Variants in AOPEP observed in about 807,000 individuals in gnomAD.
AOPEP encodes the protein aminopeptidase O (putative), also known as aminopeptidase O.
AOPEP carries 77 observed loss-of-function variants against 98.1 expected under a neutral mutation model. That is an observed-to-expected ratio of 0.78 (90% CI 0.65 to 0.95). The LOEUF is 0.95. AOPEP is among the 40% of genes least tolerant of loss of function. The pLI is 0.00. For missense variants in AOPEP, 1,024 were observed against 1,024.7 expected (o/e 1.00, Z 0.01); for synonymous variants, 346 against 365.3 (o/e 0.95, Z 0.60).
At position 94,757,489 on chromosome 9, in the gene AOPEP, G is replaced by A. The variant is rs139458051; in HGVS notation, c.-135-2160G>A. 2.8e-3 allele frequency among the ~76,000 whole-genome samples: 424 copies of A among 152,352 alleles called. 6 individuals are homozygous for A. Among genetic ancestry groups the A allele is most frequent in the African/African-American group, 9.6e-3 (399 of 41,588 alleles). ...TTCATAACAGTGGTTCTGCTAACAG[G>A]CTTGAGTGGATAGGGCTCTAGGGCA... On this transcript the variant is annotated intron_variant, in intron 1 of 16. Transcript: ENST00000375315.
chr9:95,079,842 C>T (rs1303879332), intron 14 of AOPEP, among the ~76,000 whole-genome samples: 1 of 152,248 alleles, frequency 6.6e-6, no homozygotes, highest in African/African-American at 2.4e-5. Context: ...AACCTACACA[C>T]CTGTGGATAC....
chr9:95,081,411 C>T (rs1394053004), intron 15 of AOPEP, among the ~76,000 whole-genome samples: 2 of 152,210 alleles, frequency 1.3e-5, no homozygotes, highest in African/African-American at 4.8e-5. Context: ...CCCCACTCTC[C>T]ACCCCCTCTG....
chr9:94,958,006 C>T (rs79533567), intron 9 of AOPEP, among the ~76,000 whole-genome samples: 1 of 152,058 alleles, frequency 6.6e-6, no homozygotes, highest in Non-Finnish European at 1.5e-5. Context: ...TTACCACCAT[C>T]CATCTCCCAT....
intron 7 of AOPEP, among the ~76,000 whole-genome samples, chr9:94,945,023 A>G (rs2057462331): frequency 6.6e-6 from 1 of 152,152 alleles, no homozygotes; most frequent in African/African-American, 2.4e-5. Flanking sequence ...ACATGGAAAA[A>G]GAAATTAGGG....
chr9:95,095,292 T>C, the AOPEP span, among the ~76,000 whole-genome samples: 1 of 152,204 alleles, frequency 6.6e-6, no homozygotes, highest in Non-Finnish European at 1.5e-5. Context: ...TTCCGCACTC[T>C]GTCATCAGCA....
chr9:94,793,020 T>A (rs1846077460), intron 4 of AOPEP, 102 bp downstream of exon 4: 1 of 1,328,274 alleles, frequency 7.5e-7, no homozygotes. Context: ...TCATTCCTGC[T>A]GAGAAACTAA....
intron 13 of AOPEP, among the ~76,000 whole-genome samples, chr9:95,016,054 A>G (rs1234856715): frequency 6.6e-6 from 1 of 151,950 alleles, no homozygotes; most frequent in African/African-American, 2.4e-5. Context: ...AAAGTGCCAC[A>G]GCAAGTTTAG....
chr9:95,110,056 G>T, the AOPEP span, among the ~76,000 whole-genome samples: 1 of 152,282 alleles, frequency 6.6e-6, no homozygotes, highest in South Asian at 2.1e-4. Context: ...TGACAGAATG[G>T]GGGGAAGGGA....
chr9:94,993,733 T>C (rs1427068165), intron 11 of AOPEP, among the ~76,000 whole-genome samples: 1 of 152,208 alleles, frequency 6.6e-6, no homozygotes, highest in Non-Finnish European at 1.5e-5. Flanking sequence ...CTGGTTGTTA[T>C]TAGCCTTGAC....
intron 4 of AOPEP, among the ~76,000 whole-genome samples, chr9:94,798,222 G>A (rs549477766): frequency 2.0e-5 from 3 of 152,264 alleles, no homozygotes; most frequent in African/African-American, 7.2e-5. Flanking sequence ...TTCTATGGGA[G>A]CCTTACCCTT....
chr9:95,054,862 C>T (rs1421282459), intron 13 of AOPEP, among the ~76,000 whole-genome samples: 2 of 152,130 alleles, frequency 1.3e-5, no homozygotes, highest in African/African-American at 2.4e-5. Context: ...CAAATATGCA[C>T]CAATTGATTG....
At chr9:94,761,246 A>G (rs1838221410) in intron 2 of AOPEP, among the ~76,000 whole-genome samples, 1 of 152,228 alleles carries the variant, frequency 6.6e-6, no homozygotes, top group African/African-American at 2.4e-5. Flanking sequence ...AGGAGAAGGA[A>G]TTGATGGAGG....
rs939199391 is a variant in AOPEP, at chr9:94,972,809, C to T, written c.1916+5008C>T. Among the ~76,000 whole-genome samples, 4 of 151,868 alleles carry T rather than the reference C, an allele frequency of 2.6e-5. No individual in the cohort carries two copies. Among genetic ancestry groups the T allele is most frequent in the Admixed American group, 6.6e-5 (1 of 15,240 alleles). On this transcript the variant is annotated intron_variant, in intron 10 of 16. Coordinates refer to ENST00000375315, the MANE Select transcript of AOPEP (RefSeq NM_001193329.3). This position sits in a 1 kb window ranked among gnomAD's most constrained non-coding sequence, Gnocchi z 4.2. ...CAAAAAATTAGCCTGCATGGTGGTA[C>T]GTGTCTGTAGTCTCAGCTACTCGGG...
chr9:95,011,581 A>G (rs1050770337), intron 13 of AOPEP, among the ~76,000 whole-genome samples: 1 of 152,130 alleles, frequency 6.6e-6, no homozygotes, highest in East Asian at 1.9e-4. Context: ...AGACTGAGGC[A>G]GGAGGATCAC....
At chr9:94,781,091 CT>C (rs879916375) in intron 3 of AOPEP, among the ~76,000 whole-genome samples, 499 of 141,708 alleles carry the variant, frequency 3.5e-3, no homozygotes, top group African/African-American at 4.6e-3. Context: ...AGTTGTTATT[CT>C]TTTTTTTTTT....
At chr9:94,790,825 T>C (rs1306296200) in intron 3 of AOPEP, among the ~76,000 whole-genome samples, 1 of 151,852 alleles carries the variant, frequency 6.6e-6, no homozygotes, top group East Asian at 2.0e-4. Context: ...GGCATGTTAA[T>C]ATTTCAGCTC....
intron 13 of AOPEP, among the ~76,000 whole-genome samples, chr9:95,031,606 T>C (rs2064307698): frequency 6.6e-6 from 1 of 152,196 alleles, no homozygotes; most frequent in South Asian, 2.1e-4. Flanking sequence ...CTGCACACTT[T>C]TGCAGATCAA....
At chr9:95,101,930 C>T in the AOPEP span, 1 of 1,525,108 alleles carries the variant, frequency 6.6e-7, no homozygotes, top group Non-Finnish European at 9.0e-7. Flanking sequence ...GGACCATAAC[C>T]ACCCAGTCCC....
chr9:95,149,465 T>C, the AOPEP span, among the ~76,000 whole-genome samples: 74,562 of 151,838 alleles, frequency 0.49, 18,864 homozygotes, highest in East Asian at 0.63. Flanking sequence ...AAATAAAATG[T>C]TTTGGGATCC....
Sources: allele counts gnomAD v4.1 joint callset (sites outside exome capture counted in the v4.1 genomes callset), GRCh38; gene constraint gnomAD v4.1.1; non-coding constraint Gnocchi (gnomAD v3.1); transcripts MANE v1.5; gene names NCBI Gene and HGNC (gene_info 2026-07-23, HGNC 2026-07-21).